The following SLCO1A2 variants were observed in gnomAD, a reference collection of about 807,000 sequenced individuals.
SLCO1A2 encodes the protein solute carrier organic anion transporter family member 1A2.
Under a neutral mutation model 69.0 loss-of-function variants are expected in SLCO1A2, and 67 were observed. The ratio of observed to expected loss-of-function variants is 0.97; its 90% confidence interval spans 0.80 to 1.19. SLCO1A2 has a LOEUF of 1.19. Among genes scored for constraint, SLCO1A2 ranks in the 50% most tolerant of loss-of-function variants. SLCO1A2 has a pLI of 0.00. For synonymous variants in SLCO1A2, 260 were observed against 265.9 expected (o/e 0.98, Z 0.22); for missense variants, 787 against 793.7 (o/e 0.99, Z 0.10).
chr12:21,368,036 A>T (rs1939517470), intron 2 of SLCO1A2, among the ~76,000 whole-genome samples: 1 of 152,202 alleles, frequency 6.6e-6, no homozygotes, highest in Non-Finnish European at 1.5e-5. Flanking sequence ...GGCAATTATC[A>T]GCAAAGATTG....
intron 12 of SLCO1A2, among the ~76,000 whole-genome samples, chr12:21,287,196 C>T (rs1266213348): frequency 7.7e-5 from 11 of 142,122 alleles, no homozygotes; most frequent in African/African-American, 3.0e-4. Context: ...AAAAAGTGGG[C>T]AAAGGACATG....
At chr12:21,347,568 C>T (rs1403859193) in intron 2 of SLCO1A2, among the ~76,000 whole-genome samples, 4 of 151,902 alleles carry the variant, frequency 2.6e-5, no homozygotes, top group Non-Finnish European at 5.9e-5. Context: ...TTTCTTGAAC[C>T]CAGGAGGCGG....
Position 21,412,709 on chromosome 12 carries a change from T to C in SLCO1A2, c.-312+5173A>G, listed in dbSNP as rs182711861. On this transcript the variant is annotated intron_variant, in intron 1 of 4. Transcript: ENST00000413682. The stretch of plus-strand genomic sequence containing the variant: ...GTTTAGTACTTAAGGCAATCAATCT[T>C]GTAGAGTGTTAAAGTGAAGGCCTCA... Among the ~76,000 whole-genome samples the C allele has an allele frequency of 3.1e-4, 47 of 152,272 alleles. No individual in the cohort carries two copies. In the East Asian group the frequency reaches 8.1e-3, roughly 26 times the overall value.
At chr12:21,338,558 T>C (rs1006393857), upstream of SLCO1A2, among the ~76,000 whole-genome samples, 1 of 151,932 alleles carries the variant, frequency 6.6e-6, no homozygotes, top group Non-Finnish European at 1.5e-5. Flanking sequence ...TTGAGCCCAG[T>C]ACTACACTGA....
At chr12:21,280,012 G>A (rs976700571) in intron 12 of SLCO1A2, among the ~76,000 whole-genome samples, 64 of 151,356 alleles carry the variant, frequency 4.2e-4, no homozygotes, top group Non-Finnish European at 2.9e-4. Context: ...CTTTATGCAA[G>A]CAATTTTAAC....
At chr12:21,319,847 T>A (rs1240768484) in intron 2 of SLCO1A2, among the ~76,000 whole-genome samples, 1 of 152,162 alleles carries the variant, frequency 6.6e-6, no homozygotes, top group South Asian at 2.1e-4. Context: ...CAGGAGCTAC[T>A]ATGGTTTTAC....
At chr12:21,273,295 T>TGA (rs58923303) in intron 14 of SLCO1A2, among the ~76,000 whole-genome samples, 2 of 144,476 alleles carry the variant, frequency 1.4e-5, no homozygotes, top group Admixed American at 6.9e-5. Flanking sequence ...CCTCTGTCCT[T>TGA]GAGAGAGACA....
chr12:21,393,040 C>A (rs1941239304), intron 1 of SLCO1A2, among the ~76,000 whole-genome samples: 1 of 152,040 alleles, frequency 6.6e-6, no homozygotes, highest in Non-Finnish European at 1.5e-5. Context: ...ATCAATAATT[C>A]ATGCCTCCTG....
At position 21,274,513 on chromosome 12, in the gene SLCO1A2, A is replaced by C; in HGVS notation, c.1749T>G (p.Cys583Trp). 6.2e-7 allele frequency: 1 copy of C among 1,613,760 alleles called. No individual in the cohort carries two copies. Among genetic ancestry groups the C allele is most frequent in the Non-Finnish European group, 8.5e-7 (1 of 1,179,718 alleles). ...STCLHWGTLKCGESGACRIYD... is the reference protein window; with the variant it reads ...STCLHWGTLKWGESGACRIYD... ...ATATCCTGCATGCCCCTGACTCACC[A>C]CATTTCAAAGTTCCCCAGTGTAAAC... Residue 583 changes from cysteine to tryptophan, a missense_variant, in exon 14 of 15, where the codon TGT (cysteine) becomes TGG (tryptophan). Physicochemically the swap from Cys to Trp is radical, Grantham distance 215. Transcript: ENST00000683939.
At chr12:21,321,876 T>A (rs1951672888) in intron 2 of SLCO1A2, among the ~76,000 whole-genome samples, 1 of 152,150 alleles carries the variant, frequency 6.6e-6, no homozygotes, top group Admixed American at 6.6e-5. Flanking sequence ...CAACCTCTAT[T>A]ACAGTGTACT....
intron 12 of SLCO1A2, among the ~76,000 whole-genome samples, chr12:21,280,824 A>G (rs75384625): frequency 0.022 from 3,372 of 152,254 alleles, 121 homozygotes; most frequent in African/African-American, 0.072. Flanking sequence ...ATTCTCAAGG[A>G]TAGACCATAT....
chr12:21,280,678 C>CAAAAAAAAAAAAA (rs71444113), intron 12 of SLCO1A2, among the ~76,000 whole-genome samples: 1 of 129,358 alleles, frequency 7.7e-6, no homozygotes, highest in Non-Finnish European at 1.6e-5. Context: ...TCTTCCAGAC[C>CAAAAAAAAAAAAA]AAAAAAAAAA....
intron 8 of SLCO1A2, among the ~76,000 whole-genome samples, chr12:21,299,783 TATATATAC>T (rs1467686913): frequency 7.7e-5 from 9 of 116,284 alleles, no homozygotes; most frequent in African/African-American, 3.2e-4. Context: ...TATATATATA[TATATATAC>T]ACACACACGT....
chr12:21,303,434 G>A (rs939986920), intron 6 of SLCO1A2, among the ~76,000 whole-genome samples: 1 of 152,186 alleles, frequency 6.6e-6, no homozygotes, highest in African/African-American at 2.4e-5. Flanking sequence ...GCCAAAATGT[G>A]TGAAAAGTCA....
At chr12:21,366,116 A>T (rs1435224454) in intron 2 of SLCO1A2, among the ~76,000 whole-genome samples, 1 of 152,230 alleles carries the variant, frequency 6.6e-6, no homozygotes, top group African/African-American at 2.4e-5. Flanking sequence ...TTATTGCAGC[A>T]CTATTCACAA....
At chr12:21,350,835 C>CCAAAA (rs1413971950) in intron 2 of SLCO1A2, among the ~76,000 whole-genome samples, 3 of 40,732 alleles carry the variant, frequency 7.4e-5, no homozygotes, top group African/African-American at 9.9e-5. Flanking sequence ...GACTCTGTCT[C>CCAAAA]AAAAAAAAAA....
intron 2 of SLCO1A2, among the ~76,000 whole-genome samples, chr12:21,366,574 A>C (rs1939404168): frequency 6.6e-6 from 1 of 152,022 alleles, no homozygotes; most frequent in South Asian, 2.1e-4. Context: ...AGAAATATAA[A>C]CATTAAAAGA....
chr12:21,365,911 G>T (rs1478892371), intron 2 of SLCO1A2, among the ~76,000 whole-genome samples: 1 of 152,202 alleles, frequency 6.6e-6, no homozygotes, highest in South Asian at 2.1e-4. Flanking sequence ...AGGTGCTGGA[G>T]AGGATGTGGA....
upstream of SLCO1A2, among the ~76,000 whole-genome samples, chr12:21,338,234 A>AGAC: frequency 6.6e-6 from 1 of 152,006 alleles, no homozygotes; most frequent in East Asian, 1.9e-4. Context: ...TGACTCCTCT[A>AGAC]TGTGCTCTAG....
Sources: allele counts gnomAD v4.1 joint callset (sites outside exome capture counted in the v4.1 genomes callset), GRCh38; gene constraint gnomAD v4.1.1; transcripts MANE v1.5; gene names NCBI Gene and HGNC (gene_info 2026-07-23, HGNC 2026-07-21).